CD99L2: variants seen among roughly 807,000 people sequenced by gnomAD.
The protein encoded by CD99L2 is CD99 molecule like 2.
CD99L2 carries 24 observed loss-of-function variants against 27.3 expected under a neutral mutation model. The observed-to-expected ratio is 0.88, with a 90% CI of 0.64 to 1.24. CD99L2 has a LOEUF of 1.24. Among genes scored for constraint, CD99L2 ranks in the 50% most tolerant of loss-of-function variants. The pLI is 0.00. For synonymous variants in CD99L2, 97 were observed against 87.9 expected, an observed-to-expected ratio of 1.10 and a Z score of -0.58; for missense variants, 255 against 221.6, an observed-to-expected ratio of 1.15 and a Z score of -0.96.
At chrX:150,795,351 G>C (rs1290417350) in intron 5 of CD99L2, 62 bp from the exon 6 acceptor site, 42 of 1,204,529 alleles carry the variant, frequency 3.5e-5, no homozygotes, top group Non-Finnish European at 4.7e-5. Context: ...AGCTCATTTG[G>C]ATCCTGTCTC....
At chrX:150,861,073 C>T (rs782560125) in intron 1 of CD99L2, among the ~76,000 whole-genome samples, 19 of 99,227 alleles carry the variant, frequency 1.9e-4, no homozygotes, top group African/African-American at 5.8e-4. Flanking sequence ...ACCCAGGAGG[C>T]GGAGATTGCA....
rs782198612 is a variant in CD99L2, at chrX:150,840,876, ATT to A, written c.68-9585_68-9584del. On this transcript the variant is annotated intron_variant, in intron 1 of 10. Transcript: ENST00000370377. ...ATTTGTAGGAAATGCACTCTAATAT[ATT>A]GGGGGTGGGGGTGATAAGGCATTAG... is the stretch of plus-strand genomic sequence containing the variant. 6.5e-3 allele frequency among the ~76,000 whole-genome samples: 694 copies of A among 107,293 alleles called. 6 individuals are homozygous for A. Among genetic ancestry groups the A allele is most frequent in the African/African-American group, 0.021 (620 of 29,305 alleles). 93.2% of individuals were successfully genotyped at this position (107,293 alleles called of 115,157 possible). A position where few individuals can be genotyped will look rare whatever the true frequency, so the allele number is the denominator to read the frequency against.
At chrX:150,862,650 T>C (rs1246785720) in intron 1 of CD99L2, among the ~76,000 whole-genome samples, 1 of 111,879 alleles carries the variant, frequency 8.9e-6, no homozygotes, top group Non-Finnish European at 1.9e-5. Flanking sequence ...TGCTGGTCCC[T>C]TTCTTCTATG....
chrX:150,840,289 T>C (rs782572962), intron 1 of CD99L2, among the ~76,000 whole-genome samples: 134 of 111,757 alleles, frequency 1.2e-3, no homozygotes, highest in Non-Finnish European at 2.1e-3. Context: ...ATCTAATGTT[T>C]GCAACTAATT....
intron 1 of CD99L2, among the ~76,000 whole-genome samples, chrX:150,896,650 C>A (rs1232492347): frequency 8.9e-6 from 1 of 112,059 alleles, no homozygotes; most frequent in East Asian, 2.8e-4. Context: ...TAAGCCTGGT[C>A]CCCTCAAAAC....
At chrX:150,811,633 T>G (rs112212277) in intron 4 of CD99L2, among the ~76,000 whole-genome samples, 2 of 111,604 alleles carry the variant, frequency 1.8e-5, no homozygotes, top group Non-Finnish European at 3.8e-5. Context: ...GTTAGTAATA[T>G]AGATGCAAAA....
chrX:150,861,764 G>A (rs1479400183), intron 1 of CD99L2, among the ~76,000 whole-genome samples: 2 of 110,254 alleles, frequency 1.8e-5, no homozygotes, highest in Non-Finnish European at 3.8e-5. Context: ...AAATTAGCTG[G>A]GCGTAGTGGC....
At chrX:150,780,740 G>A (rs782245529) in intron 7 of CD99L2, among the ~76,000 whole-genome samples, 1 of 111,421 alleles carries the variant, frequency 9.0e-6, no homozygotes, top group Non-Finnish European at 1.9e-5. Flanking sequence ...TATTTTAAGA[G>A]TGTCTAATAA....
Position 150,768,525 on chromosome X carries a change from C to G in CD99L2, c.*509G>C, listed in dbSNP as rs112296727. ...TGTGTGTGGTGTTACTTGGTGCTGA[C>G]CGGTTCGCTCCTTGCAGGGGCTCCA... On this transcript the variant is annotated 3_prime_UTR_variant, in exon 11 of 11. Transcript: ENST00000370377. The G allele has an allele frequency of 0.021, 2,390 of 115,048 alleles. 42 individuals carry two copies. Among genetic ancestry groups the G allele is most frequent in the African/African-American group, 0.073 (2,257 of 30,944 alleles). 9.5% of individuals were successfully genotyped at this position (115,048 alleles called of 1,213,427 possible).
intron 7 of CD99L2, among the ~76,000 whole-genome samples, chrX:150,785,713 T>C (rs2045583657): frequency 8.9e-6 from 1 of 111,932 alleles, no homozygotes; most frequent in Non-Finnish European, 1.9e-5. Flanking sequence ...GTTTTGGCTG[T>C]AGTGGAACTT....
chrX:150,805,805 C>T (rs2045985335), intron 4 of CD99L2, among the ~76,000 whole-genome samples: 2 of 111,796 alleles, frequency 1.8e-5, no homozygotes, highest in East Asian at 5.6e-4. Context: ...ACAGTATATA[C>T]TCTGTGATTC....
chrX:150,794,698 A>G (rs1205296970), intron 6 of CD99L2, among the ~76,000 whole-genome samples: 1 of 111,363 alleles, frequency 9.0e-6, no homozygotes, highest in African/African-American at 3.3e-5. Context: ...AGTCTGTGAA[A>G]ATATTCCTCC....
intron 2 of CD99L2, among the ~76,000 whole-genome samples, chrX:150,825,378 G>A (rs782608170): frequency 1.8e-5 from 2 of 111,955 alleles, no homozygotes; most frequent in African/African-American, 3.2e-5. Flanking sequence ...TGACCTATGC[G>A]ATGCCAGTAC....
At chrX:150,878,338 A>T (rs1417895030) in intron 1 of CD99L2, among the ~76,000 whole-genome samples, 2 of 100,869 alleles carry the variant, frequency 2.0e-5, no homozygotes, top group African/African-American at 7.1e-5. Flanking sequence ...AACTCTGTCT[A>T]AAAAAAAAAA....
At chrX:150,820,404 T>C (rs782210303) in intron 2 of CD99L2, among the ~76,000 whole-genome samples, 1 of 112,047 alleles carries the variant, frequency 8.9e-6, no homozygotes, top group East Asian at 2.8e-4. Flanking sequence ...CATCAGAGTC[T>C]ACTCTCTATG....
At chrX:150,849,684 AT>A (rs2046760736) in intron 1 of CD99L2, among the ~76,000 whole-genome samples, 1 of 111,434 alleles carries the variant, frequency 9.0e-6, no homozygotes, top group East Asian at 2.8e-4. Context: ...TCTGTCTCAA[AT>A]TGAAACTATA....
At chrX:150,818,799 C>A (rs1663794573) in intron 2 of CD99L2, 3 of 342,159 alleles carry the variant, frequency 8.8e-6, no homozygotes, top group Admixed American at 8.5e-5. Context: ...TAAGGTGAGT[C>A]CTTGGGCCAG....
At chrX:150,854,413 C>T (rs901258026) in intron 1 of CD99L2, among the ~76,000 whole-genome samples, 2 of 111,678 alleles carry the variant, frequency 1.8e-5, no homozygotes, top group East Asian at 2.8e-4. Flanking sequence ...TGGCAGCTAA[C>T]CCACAAAGTC....
intron 2 of CD99L2, among the ~76,000 whole-genome samples, chrX:150,818,536 A>C (rs950266263): frequency 9.0e-6 from 1 of 111,142 alleles, no homozygotes; most frequent in Middle Eastern, 4.7e-3. Flanking sequence ...GTCAAAAAAA[A>C]CCACAAGGGA....
Sources: allele counts gnomAD v4.1 joint callset (sites outside exome capture counted in the v4.1 genomes callset), GRCh38; gene constraint gnomAD v4.1.1; transcripts MANE v1.5; gene names NCBI Gene and HGNC (gene_info 2026-07-23, HGNC 2026-07-21).